FGF12: variants seen among roughly 807,000 people sequenced by gnomAD.
FGF12 encodes the protein fibroblast growth factor 12.
Under a neutral mutation model 23.6 loss-of-function variants are expected in FGF12, and 14 were observed. The observed-to-expected ratio is 0.59, with a 90% CI of 0.39 to 0.93. FGF12 has a LOEUF of 0.93. Ranked by LOEUF, FGF12 falls within the 40% of genes least tolerant of loss-of-function variation. The pLI, the probability that FGF12 is intolerant of heterozygous loss-of-function variation, is 0.00. For synonymous variants in FGF12, 62 were observed against 77.3 expected, an observed-to-expected ratio of 0.80 and a Z score of 1.04; for missense variants, 175 against 217.8, an observed-to-expected ratio of 0.80 and a Z score of 1.24.
intron 2 of FGF12, among the ~76,000 whole-genome samples, chr3:192,591,568 T>C (rs1421436166): frequency 6.6e-6 from 1 of 151,910 alleles, no homozygotes; most frequent in Non-Finnish European, 1.5e-5. Flanking sequence ...TCAAGCCCTT[T>C]ACCTCAACAA....
intron 2 of FGF12, among the ~76,000 whole-genome samples, chr3:192,503,708 C>T (rs1724205223): frequency 6.7e-6 from 1 of 150,122 alleles, no homozygotes; most frequent in Non-Finnish European, 1.5e-5. Flanking sequence ...CAGGTTCATG[C>T]CATTCTCCTG....
At chr3:192,644,751 TACGTCAGCAG>T (rs1715938467) in intron 2 of FGF12, among the ~76,000 whole-genome samples, 1 of 152,148 alleles carries the variant, frequency 6.6e-6, no homozygotes, top group African/African-American at 2.4e-5. Context: ...ATCTGAAGCC[TACGTCAGCAG>T]AGAAGAGCCT....
chr3:192,193,328 T>G (rs1335283735), intron 4 of FGF12, among the ~76,000 whole-genome samples: 1 of 152,154 alleles, frequency 6.6e-6, no homozygotes. Flanking sequence ...CTTCAACTCT[T>G]ATGCCTTGGA....
At chr3:192,217,635 T>C in intron 4 of FGF12, among the ~76,000 whole-genome samples, 1 of 152,142 alleles carries the variant, frequency 6.6e-6, no homozygotes, top group East Asian at 1.9e-4. Flanking sequence ...GCTTTAGTAT[T>C]TTATTAGGAA....
At chr3:192,610,224 TC>T (rs1351784162) in intron 2 of FGF12, among the ~76,000 whole-genome samples, 1 of 152,066 alleles carries the variant, frequency 6.6e-6, no homozygotes, top group East Asian at 1.9e-4. Context: ...AATCTCCTCT[TC>T]AGATTCTTTC....
intron 2 of FGF12, among the ~76,000 whole-genome samples, chr3:192,366,040 T>C (rs1326096161): frequency 6.6e-6 from 1 of 150,620 alleles, no homozygotes; most frequent in African/African-American, 2.4e-5. Context: ...CAGTGTCTTA[T>C]CCAAGGTCAC....
At chr3:192,210,092 ATGT>A (rs1445055721) in intron 4 of FGF12, among the ~76,000 whole-genome samples, 1 of 152,230 alleles carries the variant, frequency 6.6e-6, no homozygotes, top group Non-Finnish European at 1.5e-5. Flanking sequence ...TGATTTTCAG[ATGT>A]TGGGAAACAT....
At chr3:192,193,972 T>G (rs1239510970) in intron 4 of FGF12, among the ~76,000 whole-genome samples, 2 of 152,190 alleles carry the variant, frequency 1.3e-5, no homozygotes, top group Non-Finnish European at 2.9e-5. Context: ...GGATGTGTAG[T>G]ATGTAGAAAA....
intron 2 of FGF12, among the ~76,000 whole-genome samples, chr3:192,450,067 C>T (rs1050117202): frequency 6.6e-6 from 1 of 152,154 alleles, no homozygotes; most frequent in African/African-American, 2.4e-5. Flanking sequence ...AATTGATACA[C>T]CATCTTTCAA....
chr3:192,342,823 T>C (rs1717759076), intron 3 of FGF12, among the ~76,000 whole-genome samples: 1 of 152,100 alleles, frequency 6.6e-6, no homozygotes, highest in Non-Finnish European at 1.5e-5. Context: ...CCAATGATAC[T>C]GCACCAAAAA....
chr3:192,642,801 T>C (rs545771906), intron 2 of FGF12, among the ~76,000 whole-genome samples: 52 of 152,342 alleles, frequency 3.4e-4, no homozygotes, highest in Middle Eastern at 6.8e-3. Context: ...GCCATTTACT[T>C]GTAGCCCAAA....
At chr3:192,292,617 C>A (rs1714816957) in intron 4 of FGF12, among the ~76,000 whole-genome samples, 1 of 152,102 alleles carries the variant, frequency 6.6e-6, no homozygotes, top group South Asian at 2.1e-4. Flanking sequence ...TTGAAATAAA[C>A]ATGGCACCGT....
In FGF12 at chr3:192,338,905, G is replaced by T. The variant is rs528538057; in HGVS notation, c.125-3441C>A. Among the ~76,000 whole-genome samples, 743 of 152,284 alleles carry T rather than the reference G, an allele frequency of 4.9e-3. 6 individuals carry two copies. The highest frequency in any genetic ancestry group is 0.017 in the African/African-American group (711 of 41,546). ...ACGATTAAGTTCACTGATAATTACT[G>T]TGAGAAGGAGAAAAGACTTCCCAGG... On this transcript the variant is annotated intron_variant, in intron 3 of 5. Coordinates refer to ENST00000445105, the MANE Select transcript of FGF12 (RefSeq NM_004113.6).
At chr3:192,262,403 T>C (rs893421221) in intron 4 of FGF12, among the ~76,000 whole-genome samples, 17 of 152,202 alleles carry the variant, frequency 1.1e-4, no homozygotes, top group African/African-American at 3.9e-4. Flanking sequence ...GTTTTCAAAA[T>C]GGTTTTTAGA....
At chr3:192,189,491 A>G (rs1716665199) in intron 4 of FGF12, among the ~76,000 whole-genome samples, 1 of 152,182 alleles carries the variant, frequency 6.6e-6, no homozygotes, top group Admixed American at 6.5e-5. Context: ...TTTTTTGTTG[A>G]AGCCCTATCC....
At chr3:192,291,034 T>G (rs750272272) in intron 4 of FGF12, among the ~76,000 whole-genome samples, 3 of 152,172 alleles carry the variant, frequency 2.0e-5, no homozygotes, top group Non-Finnish European at 4.4e-5. Flanking sequence ...ACATATACAA[T>G]GTCACTATCC....
At chr3:192,171,950 T>C (rs1237988352) in intron 4 of FGF12, among the ~76,000 whole-genome samples, 2 of 151,986 alleles carry the variant, frequency 1.3e-5, no homozygotes, top group Non-Finnish European at 2.9e-5. Context: ...CTTGCTATGT[T>C]GCATAGGCTG....
chr3:192,542,181 TTTC>T (rs148874086), intron 2 of FGF12, among the ~76,000 whole-genome samples: 89,503 of 151,338 alleles, frequency 0.59, 26,758 homozygotes, highest in Middle Eastern at 0.72. Flanking sequence ...CCCATTCTTT[TTTC>T]TTCTTCTTTT....
intron 2 of FGF12, among the ~76,000 whole-genome samples, chr3:192,461,957 T>C (rs1164834664): frequency 6.6e-6 from 1 of 151,446 alleles, no homozygotes; most frequent in Non-Finnish European, 1.5e-5. Flanking sequence ...ACCACGGCAC[T>C]CCAGCCTGGG....
Sources: gnomAD v4.1 joint callset for allele counts (sites outside exome capture counted in the v4.1 genomes callset) on GRCh38, gnomAD v4.1.1 for gene constraint, MANE v1.5 for transcripts, NCBI Gene and HGNC (gene_info 2026-07-23, HGNC 2026-07-21) for gene names.